The following ADGRL3 variants were observed in gnomAD, a reference collection of about 807,000 sequenced individuals.
The protein encoded by ADGRL3 is calcium-independent alpha-latrotoxin receptor 3.
Under a neutral mutation model 153.5 loss-of-function variants are expected in ADGRL3, and 62 were observed. The observed-to-expected ratio is 0.40, with a 90% CI of 0.33 to 0.50. ADGRL3 has a LOEUF of 0.50. Among genes scored for constraint, ADGRL3 ranks in the 20% least tolerant of loss-of-function variants. The pLI is 0.47. For missense variants in ADGRL3, 1,641 were observed against 1,859.4 expected (o/e 0.88, Z 2.16); for synonymous variants, 710 against 672.5 (o/e 1.06, Z -0.86).
intron 9 of ADGRL3, among the ~76,000 whole-genome samples, chr4:61,828,417 G>A (rs2097834543): frequency 6.6e-6 from 1 of 152,092 alleles, no homozygotes; most frequent in African/African-American, 2.4e-5. Flanking sequence ...AAAGCGCAGG[G>A]TGCGGGGGAT....
chr4:61,414,617 G>C (rs1222194323), intron 2 of ADGRL3, among the ~76,000 whole-genome samples: 3 of 151,438 alleles, frequency 2.0e-5, no homozygotes, highest in Non-Finnish European at 4.4e-5. Context: ...GTGGTTTTGC[G>C]GTTATATTAA....
intron 17 of ADGRL3, among the ~76,000 whole-genome samples, chr4:61,977,897 G>T (rs1419792251): frequency 2.0e-5 from 3 of 152,068 alleles, no homozygotes; most frequent in Non-Finnish European, 4.4e-5. Flanking sequence ...CATTACCCAG[G>T]TATTGAGTGA....
chr4:61,946,337 T>C (rs1452233131), intron 15 of ADGRL3, among the ~76,000 whole-genome samples: 1 of 152,190 alleles, frequency 6.6e-6, no homozygotes, highest in East Asian at 1.9e-4. Flanking sequence ...ATTTTTCATG[T>C]GTCTATTGGC....
intron 15 of ADGRL3, among the ~76,000 whole-genome samples, chr4:61,945,813 A>C (rs1413678725): frequency 2.0e-5 from 3 of 151,834 alleles, no homozygotes; most frequent in South Asian, 2.1e-4. Flanking sequence ...GTGCGCACAC[A>C]CACTGGCCTG....
At chr4:61,451,379 G>A (rs1414320229) in intron 2 of ADGRL3, among the ~76,000 whole-genome samples, 33 of 152,074 alleles carry the variant, frequency 2.2e-4, no homozygotes, top group African/African-American at 9.7e-5. Context: ...AGCTCTGAAT[G>A]AGGAAGGATT....
chr4:62,062,959 A>G (rs180673498), intron 25 of ADGRL3, among the ~76,000 whole-genome samples: 1 of 152,140 alleles, frequency 6.6e-6, no homozygotes, highest in Non-Finnish European at 1.5e-5. Flanking sequence ...ATTCCTCTTC[A>G]TAGAATTTCA....
intron 1 of ADGRL3, among the ~76,000 whole-genome samples, chr4:61,303,068 G>T (rs940486343): frequency 6.6e-6 from 1 of 152,116 alleles, no homozygotes; most frequent in African/African-American, 2.4e-5. Context: ...CAAAACGTTA[G>T]TGAATTAATG....
At chr4:61,678,252 C>T (rs1008476936) in intron 6 of ADGRL3, among the ~76,000 whole-genome samples, 7 of 151,900 alleles carry the variant, frequency 4.6e-5, no homozygotes, top group South Asian at 2.1e-4. Flanking sequence ...TATAAAGACT[C>T]CTGTTCTATC....
In ADGRL3 at chr4:61,904,817, T is replaced by C. The variant is rs1242129034; in HGVS notation, c.1888-4743T>C. Reference sequence around the variant, plus strand: ...AAGTCAATACTTGTATCCTTCGTTTTGAAGATATATTAATGAAGGAAATGA... The same window carrying C: ...AAGTCAATACTTGTATCCTTCGTTTCGAAGATATATTAATGAAGGAAATGA... On this transcript the variant is annotated intron_variant, in intron 11 of 26. Transcript: ENST00000683033. 5.9e-5 allele frequency among the ~76,000 whole-genome samples: 9 copies of C among 152,176 alleles called. No individual in the cohort carries two copies. In the East Asian group the frequency reaches 1.7e-3, roughly 29 times the overall value.
rs116308681 is a variant in ADGRL3 at position 61,350,502 on chromosome 4, A to G, written c.-239-32622A>G. Reference sequence around the variant, plus strand: ...TGTGCATCACTTTATTCCACTTCACAGATACCATGATTTTTGCAAATTGAA... The same window carrying G: ...TGTGCATCACTTTATTCCACTTCACGGATACCATGATTTTTGCAAATTGAA... On this transcript the variant is annotated intron_variant, in intron 1 of 26. Coordinates refer to ENST00000683033, the MANE Select transcript of ADGRL3 (RefSeq NM_001387552.1). Among the ~76,000 whole-genome samples the G allele has an allele frequency of 5.2e-3, 791 of 152,220 alleles. 5 individuals are homozygous for G. Among genetic ancestry groups the G allele is most frequent in the African/African-American group, 0.018 (762 of 41,536 alleles).
intron 1 of ADGRL3, among the ~76,000 whole-genome samples, chr4:61,358,206 C>T (rs1330581710): frequency 6.6e-6 from 1 of 152,174 alleles, no homozygotes; most frequent in Non-Finnish European, 1.5e-5. Flanking sequence ...CACCTATAAT[C>T]TGTTCTCAAC....
chr4:61,907,316 T>G (rs937993844), intron 11 of ADGRL3, among the ~76,000 whole-genome samples: 2 of 152,048 alleles, frequency 1.3e-5, no homozygotes, highest in African/African-American at 4.8e-5. Flanking sequence ...TGGAGTGCAG[T>G]GGTGCGATCT....
intron 6 of ADGRL3, among the ~76,000 whole-genome samples, chr4:61,717,196 ATGTGTG>A (rs780528173): frequency 9.3e-6 from 1 of 106,962 alleles, no homozygotes; most frequent in South Asian, 3.0e-4. Flanking sequence ...CACATAGTTT[ATGTGTG>A]TGTGTGTGTG....
intron 6 of ADGRL3, among the ~76,000 whole-genome samples, chr4:61,687,639 C>T (rs2095470643): frequency 6.6e-6 from 1 of 151,852 alleles, no homozygotes; most frequent in Non-Finnish European, 1.5e-5. Context: ...AAATCCAGGT[C>T]AAATTAGCAT....
At chr4:61,824,836 C>T (rs771401329) in intron 9 of ADGRL3, among the ~76,000 whole-genome samples, 8 of 152,272 alleles carry the variant, frequency 5.3e-5, no homozygotes, top group East Asian at 1.9e-4. Flanking sequence ...AAATTATATT[C>T]GGTAATCCTT....
At chr4:61,491,580 C>G (rs1333276227) in intron 2 of ADGRL3, among the ~76,000 whole-genome samples, 1 of 151,950 alleles carries the variant, frequency 6.6e-6, no homozygotes, top group African/African-American at 2.4e-5. Flanking sequence ...TAATTTATAT[C>G]ATTTCTTTTT....
At chr4:61,434,810 T>C (rs1021319679) in intron 2 of ADGRL3, among the ~76,000 whole-genome samples, 5 of 152,134 alleles carry the variant, frequency 3.3e-5, no homozygotes, top group African/African-American at 1.2e-4. Flanking sequence ...TACTCACAGC[T>C]TGTTTTAACT....
At chr4:61,979,276 T>C (rs888864607) in intron 17 of ADGRL3, among the ~76,000 whole-genome samples, 1 of 152,218 alleles carries the variant, frequency 6.6e-6, no homozygotes, top group Non-Finnish European at 1.5e-5. Flanking sequence ...TGGCCAGAAT[T>C]AAGTCGGTCT....
At chr4:61,517,564 G>T (rs1315494067) in intron 4 of ADGRL3, 46 bp downstream of exon 4, 3 of 695,586 alleles carry the variant, frequency 4.3e-6, no homozygotes, top group Non-Finnish European at 5.3e-6. Context: ...GCTGGGCAGG[G>T]GCTCCTGAGA....
Sources: allele counts gnomAD v4.1 joint callset (sites outside exome capture counted in the v4.1 genomes callset), GRCh38; gene constraint gnomAD v4.1.1; transcripts MANE v1.5; gene names NCBI Gene and HGNC (gene_info 2026-07-23, HGNC 2026-07-21).